Variants in PAM observed in about 807,000 individuals in gnomAD.
PAM encodes peptidyl-glycine alpha-amidating monooxygenase.
PAM carries 72 observed loss-of-function variants against 122.1 expected under a neutral mutation model. The observed-to-expected ratio is 0.59, with a 90% CI of 0.49 to 0.72. PAM has a LOEUF of 0.72. PAM is among the 30% of genes least tolerant of loss of function. The pLI, the probability that PAM is intolerant of heterozygous loss-of-function variation, is 0.00. For missense variants in PAM, 1,106 were observed against 1,183.7 expected (o/e 0.93, Z 0.96); for synonymous variants, 389 against 404.4 (o/e 0.96, Z 0.46).
intron 3 of PAM, among the ~76,000 whole-genome samples, chr5:102,888,384 A>G (rs1793790080): frequency 6.6e-6 from 1 of 151,932 alleles, no homozygotes; most frequent in African/African-American, 2.4e-5. Context: ...TTCATGCCCC[A>G]TACCCCTCTC....
chr5:102,803,129 A>AAAAGAAAG (rs1245134657), intron 1 of PAM, among the ~76,000 whole-genome samples: 2 of 142,808 alleles, frequency 1.4e-5, no homozygotes, highest in Non-Finnish European at 3.0e-5. Context: ...TGTCCAAAAA[A>AAAAGAAAG]AAAGAAAGAA....
chr5:102,959,993 C>A lies in PAM; in HGVS notation c.1024C>A (p.Pro342Thr), dbSNP rs749493621. 1 of 1,611,844 alleles carries A rather than the reference C, an allele frequency of 6.2e-7. No homozygotes were observed. The highest frequency in any genetic ancestry group is 8.5e-7 in the Non-Finnish European group (1 of 1,178,178). Residue 342 changes from proline to threonine, a missense_variant, in exon 13 of 26, where the codon CCA (proline) becomes ACA (threonine). Pro to Thr is a conservative substitution (Grantham distance 38). This residue lies in a region of PAM where 670 missense variants were observed against 690.3 expected (regional missense o/e 0.97). Coordinates refer to ENST00000438793, the MANE Select transcript of PAM (RefSeq NM_001177306.2). ...NVAPDMFRTI[P>T]PEANIPIPVK... ...AGCTCCAGATATGTTCAGAACCATA[C>A]CACCAGAGGCCAACATTCCAATTCC...
At chr5:102,769,544 C>A (rs375433523) in intron 1 of PAM, among the ~76,000 whole-genome samples, 1 of 151,848 alleles carries the variant, frequency 6.6e-6, no homozygotes, top group Non-Finnish European at 1.5e-5. Flanking sequence ...GTAAGAGATA[C>A]GGGTCTAGTT....
At chr5:102,816,272 C>G (rs1251569403) in intron 1 of PAM, among the ~76,000 whole-genome samples, 1 of 152,106 alleles carries the variant, frequency 6.6e-6, no homozygotes, top group Admixed American at 6.6e-5. Flanking sequence ...CCACTGGACA[C>G]ACATTTTAAT....
chr5:102,868,298 G>A (rs987577575), intron 3 of PAM, among the ~76,000 whole-genome samples: 9 of 151,862 alleles, frequency 5.9e-5, no homozygotes, highest in Admixed American at 3.3e-4. Flanking sequence ...TAAAGTATTC[G>A]TATTCTACTT....
At chr5:102,803,192 AGG>A (rs1183005160) in intron 1 of PAM, among the ~76,000 whole-genome samples, 8 of 123,798 alleles carry the variant, frequency 6.5e-5, no homozygotes, top group Non-Finnish European at 1.3e-4. Flanking sequence ...GAAGGAAGGA[AGG>A]AAGGAAGGAA....
intron 4 of PAM, among the ~76,000 whole-genome samples, chr5:102,908,140 G>A (rs1277651298): frequency 1.3e-5 from 2 of 151,848 alleles, no homozygotes; most frequent in Admixed American, 1.3e-4. Context: ...ATCTTGAATT[G>A]ATTTTTGTAT....
intron 3 of PAM, among the ~76,000 whole-genome samples, chr5:102,894,746 G>T (rs1795716186): frequency 6.6e-6 from 1 of 151,570 alleles, no homozygotes; most frequent in South Asian, 2.1e-4. Context: ...ATGTCTCAGT[G>T]AATTATATCA....
At chr5:103,020,252 G>A (rs1783198088) in intron 23 of PAM, among the ~76,000 whole-genome samples, 1 of 152,026 alleles carries the variant, frequency 6.6e-6, no homozygotes, top group Non-Finnish European at 1.5e-5. Context: ...TATCTTTGGT[G>A]GGTCAGTGCT....
chr5:103,009,830 T>C lies in PAM; in HGVS notation c.2295T>C (p.Asn765=). ...PVQGFVMNFS[N]GEIIDIFKPV... ...AAGGATTTGTGATGAACTTTTCCAA[T>C]GGGGAAATTATAGACATCTTCAAGC... Residue 765 remains asparagine, a synonymous_variant, in exon 21 of 26, where the codon AAT becomes AAC. Transcript: ENST00000438793. 6.2e-7 allele frequency: 1 copy of C among 1,610,896 alleles called. No homozygotes were observed. Among genetic ancestry groups the C allele is most frequent in the South Asian group, 1.1e-5 (1 of 90,872 alleles).
intron 3 of PAM, among the ~76,000 whole-genome samples, chr5:102,886,122 C>T (rs2151202936): frequency 6.6e-6 from 1 of 152,024 alleles, no homozygotes; most frequent in Non-Finnish European, 1.5e-5. Context: ...AAAGCAAATC[C>T]TCCAGAAGAT....
rs538392193 is a variant in PAM, at chr5:102,985,001, T to C, written c.1484-5271T>C. ...CCAACTATTGGGTCAGTGAAGAAATTATGAAGGAAATAAAAAAAAAAATTT... is the reference window on the plus strand; with the variant it reads ...CCAACTATTGGGTCAGTGAAGAAATCATGAAGGAAATAAAAAAAAAAATTT... On this transcript the variant is annotated intron_variant, in intron 15 of 25. Coordinates refer to ENST00000438793, the MANE Select transcript of PAM (RefSeq NM_001177306.2). 5.3e-5 allele frequency among the ~76,000 whole-genome samples: 8 copies of C among 150,428 alleles called. No homozygotes were observed. The East Asian group carries it at 1.4e-3, about 26-fold the overall frequency.
intron 16 of PAM, among the ~76,000 whole-genome samples, chr5:102,997,791 T>C (rs528542858): frequency 1.1e-4 from 17 of 152,336 alleles, no homozygotes; most frequent in African/African-American, 4.1e-4. Context: ...ACAATATCAA[T>C]TACTTGACAC....
At chr5:102,820,735 A>C (rs1771594744) in intron 1 of PAM, among the ~76,000 whole-genome samples, 1 of 152,238 alleles carries the variant, frequency 6.6e-6, no homozygotes, top group Admixed American at 6.5e-5. Context: ...TTCCCTGTCC[A>C]CATGGATAAG....
At chr5:103,003,745 C>G (rs1778109922) in intron 17 of PAM, among the ~76,000 whole-genome samples, 2 of 152,030 alleles carry the variant, frequency 1.3e-5, no homozygotes, top group African/African-American at 2.4e-5. Context: ...TCAGCCAGAT[C>G]TAATGATCCA....
At chr5:103,016,831 G>A (rs1292941280) in intron 21 of PAM, among the ~76,000 whole-genome samples, 1 of 152,196 alleles carries the variant, frequency 6.6e-6, no homozygotes, top group African/African-American at 2.4e-5. Flanking sequence ...CCAAATCTCT[G>A]AAATGATTTT....
intron 7 of PAM, among the ~76,000 whole-genome samples, chr5:102,931,914 A>G (rs1751680696): frequency 6.6e-6 from 1 of 151,970 alleles, no homozygotes; most frequent in African/African-American, 2.4e-5. Context: ...TGTTCCTGGA[A>G]GTATAGCCAA....
At chr5:102,924,126 A>G (rs1054911108) in intron 5 of PAM, among the ~76,000 whole-genome samples, 2 of 152,178 alleles carry the variant, frequency 1.3e-5, no homozygotes, top group Non-Finnish European at 2.9e-5. Flanking sequence ...TCATGCATGT[A>G]TAAGATCAAG....
chr5:102,887,372 C>T (rs2151220195), intron 3 of PAM, among the ~76,000 whole-genome samples: 1 of 152,100 alleles, frequency 6.6e-6, no homozygotes, highest in African/African-American at 2.4e-5. Context: ...TGAGTTGAAG[C>T]AGCCTGAGGC....
Sources: gnomAD v4.1 joint callset for allele counts (sites outside exome capture counted in the v4.1 genomes callset) on GRCh38, gnomAD v4.1.1 for gene constraint, gnomAD v4.1.1 regional missense constraint, MANE v1.5 for transcripts, NCBI Gene and HGNC (gene_info 2026-07-23, HGNC 2026-07-21) for gene names.